CNTN4: variants seen among roughly 807,000 people sequenced by gnomAD.
CNTN4 encodes contactin-4.
In CNTN4, 77 loss-of-function variants were observed where a neutral mutation model predicts 122.5. The observed-to-expected ratio is 0.63, with a 90% CI of 0.52 to 0.76. CNTN4 has a LOEUF of 0.76. CNTN4 is among the 30% of genes least tolerant of loss of function. CNTN4 has a pLI of 0.00. For synonymous variants in CNTN4, 512 were observed against 447.0 expected (o/e 1.15, Z -1.83); for missense variants, 1,256 against 1,259.1 (o/e 1.00, Z 0.04).
intron 6 of CNTN4, among the ~76,000 whole-genome samples, chr3:2,789,637 G>A (rs1414302637): frequency 1.3e-5 from 2 of 152,136 alleles, no homozygotes; most frequent in Non-Finnish European, 2.9e-5. Flanking sequence ...CACCATGTTG[G>A]CCAGGCTGGT....
rs531103681 is a variant in CNTN4 at position 2,841,992 on chromosome 3, G to A, written c.454+22411G>A. 1.6e-4 allele frequency among the ~76,000 whole-genome samples: 25 copies of A among 152,144 alleles called. No individual in the cohort carries two copies. Among genetic ancestry groups the A allele is most frequent in the African/African-American group, 5.8e-4 (24 of 41,514 alleles). Reference sequence around the variant, plus strand: ...AATAAATAAATAAATGAAGCTAGCTGCCCCCATTTTTTTCAAGAACATGTT... The same window carrying A: ...AATAAATAAATAAATGAAGCTAGCTACCCCCATTTTTTTCAAGAACATGTT... On this transcript the variant is annotated intron_variant, in intron 7 of 24. Coordinates refer to ENST00000418658, the MANE Select transcript of CNTN4 (RefSeq NM_175607.3). This position sits in a 1 kb window ranked among gnomAD's most constrained non-coding sequence, Gnocchi z 4.8.
chr3:2,485,950 C>A (rs930647818), intron 3 of CNTN4, among the ~76,000 whole-genome samples: 14 of 152,294 alleles, frequency 9.2e-5, no homozygotes, highest in East Asian at 1.9e-4. Flanking sequence ...TGGCAACCCG[C>A]GCAGGTGCCC....
At chr3:2,926,619 C>T (rs917842040) in intron 13 of CNTN4, among the ~76,000 whole-genome samples, 4 of 152,092 alleles carry the variant, frequency 2.6e-5, no homozygotes, top group African/African-American at 7.2e-5. Context: ...TGCTAAAGGT[C>T]AGGTACTCAA....
At chr3:2,840,507 T>G (rs4685570) in intron 7 of CNTN4, among the ~76,000 whole-genome samples, 1 of 128,716 alleles carries the variant, frequency 7.8e-6, no homozygotes, top group Admixed American at 9.1e-5. Flanking sequence ...GAGACCATCC[T>G]GGCTAACACG....
chr3:2,847,796 C>A (rs960518931), intron 7 of CNTN4, among the ~76,000 whole-genome samples: 3 of 152,168 alleles, frequency 2.0e-5, no homozygotes, highest in African/African-American at 4.8e-5. Flanking sequence ...CAGAACAGAT[C>A]ATTTATAGAG....
intron 3 of CNTN4, among the ~76,000 whole-genome samples, chr3:2,367,183 G>A (rs2045424580): frequency 6.6e-6 from 1 of 151,880 alleles, no homozygotes; most frequent in African/African-American, 2.4e-5. Context: ...CAAAATTACA[G>A]AAAAAACACT....
intron 4 of CNTN4, among the ~76,000 whole-genome samples, chr3:2,585,531 C>T (rs563767718): frequency 2.0e-5 from 3 of 152,182 alleles, no homozygotes; most frequent in African/African-American, 7.2e-5. Context: ...GAGTTCATGT[C>T]CTTTGTAGGG....
chr3:2,673,437 A>G (rs903293391), intron 4 of CNTN4, among the ~76,000 whole-genome samples: 1 of 152,042 alleles, frequency 6.6e-6, no homozygotes. Flanking sequence ...CTTCCCATCA[A>G]TAGGTGGACT....
chr3:2,892,194 C>A (rs570839484), intron 10 of CNTN4: 51 of 152,310 alleles, frequency 3.3e-4, no homozygotes, highest in African/African-American at 1.2e-3. Context: ...AGTCTTATTA[C>A]AACACAGAAT....
At chr3:2,334,772 ATGTTATATGCTATGTC>A (rs1302845122) in intron 2 of CNTN4, among the ~76,000 whole-genome samples, 1 of 152,160 alleles carries the variant, frequency 6.6e-6, no homozygotes, top group Non-Finnish European at 1.5e-5. Flanking sequence ...GTCCCTCCTA[ATGTTATATGCTATGTC>A]TGTGAGAATT....
intron 4 of CNTN4, among the ~76,000 whole-genome samples, chr3:2,621,502 TG>T (rs2081988336): frequency 1.3e-5 from 2 of 148,718 alleles, no homozygotes; most frequent in East Asian, 2.0e-4. Flanking sequence ...TGTCGGGGGG[TG>T]GGGGGCTAGT....
intron 13 of CNTN4, among the ~76,000 whole-genome samples, chr3:2,933,031 C>T (rs1397675823): frequency 2.0e-5 from 3 of 152,012 alleles, no homozygotes. Context: ...ACCGTGTTAG[C>T]CAGGATGGTC....
At chr3:2,785,024 C>A (rs887470586) in intron 6 of CNTN4, among the ~76,000 whole-genome samples, 1 of 151,986 alleles carries the variant, frequency 6.6e-6, no homozygotes, top group Admixed American at 6.6e-5. Flanking sequence ...CACCCTAACC[C>A]CCTGCAGTCT....
intron 4 of CNTN4, among the ~76,000 whole-genome samples, chr3:2,631,024 T>G (rs2082408304): frequency 6.6e-6 from 1 of 152,008 alleles, no homozygotes; most frequent in Non-Finnish European, 1.5e-5. Flanking sequence ...TTGGTGGAGG[T>G]GGGAGTAGTA....
chr3:2,823,732 C>T (rs1485450303), intron 7 of CNTN4, among the ~76,000 whole-genome samples: 2 of 152,156 alleles, frequency 1.3e-5, no homozygotes, highest in Non-Finnish European at 2.9e-5. Flanking sequence ...CTTTGAGATT[C>T]TTCCTTCCAA....
intron 2 of CNTN4, among the ~76,000 whole-genome samples, chr3:2,102,238 G>C (rs1048454558): frequency 3.0e-4 from 45 of 152,172 alleles, no homozygotes; most frequent in African/African-American, 1.0e-3. Context: ...GTGGAGGCTG[G>C]AAAGTTCATA....
chr3:2,924,316 A>C (rs2094453767), intron 12 of CNTN4, among the ~76,000 whole-genome samples: 1 of 150,648 alleles, frequency 6.6e-6, no homozygotes, highest in East Asian at 2.0e-4. Flanking sequence ...ATTACCCCCC[A>C]AGCCCCCGCA....
rs1185851358 is a variant in CNTN4, at chr3:2,120,374, A to AATATAT, written c.-145+19762_-145+19767dup. ...GGTTATATATATATATATATATATA[A>AATATAT]ATATATATATATATATATATATATA... is the stretch of plus-strand genomic sequence containing the variant. On this transcript the variant is annotated intron_variant, in intron 2 of 24. Coordinates refer to ENST00000418658, the MANE Select transcript of CNTN4 (RefSeq NM_175607.3). 3.7e-3 allele frequency among the ~76,000 whole-genome samples: 217 copies of AATATAT among 58,920 alleles called. 4 individuals are homozygous for AATATAT. Among genetic ancestry groups the AATATAT allele is most frequent in the Middle Eastern group, 0.011 (1 of 88 alleles). 38.7% of individuals were successfully genotyped at this position (58,920 alleles called of 152,430 possible). A position where few individuals can be genotyped will look rare whatever the true frequency, so the allele number is the denominator to read the frequency against.
Position 2,385,643 on chromosome 3 carries a change from GGGAGCATAAC to G in CNTN4, c.-89+46411_-89+46420del, listed in dbSNP as rs1553638112. On this transcript the variant is annotated intron_variant, in intron 3 of 24. Transcript: ENST00000418658. The surrounding 1 kb of genome is among the most constrained non-coding windows in gnomAD (Gnocchi z 4.0). ...TAGCCCCAGTTGTTCTGCAGCTTGT[GGGAGCATAAC>G]TCCAAGCTCATCTCTCATCCTCCAT... 6.6e-6 allele frequency among the ~76,000 whole-genome samples: 1 copy of G among 152,020 alleles called. No individual in the cohort carries two copies. The highest frequency in any genetic ancestry group is 1.5e-5 in the Non-Finnish European group (1 of 68,024).
Sources: gnomAD v4.1 joint callset for allele counts (sites outside exome capture counted in the v4.1 genomes callset) on GRCh38, gnomAD v4.1.1 for gene constraint, Gnocchi (gnomAD v3.1) non-coding constraint, MANE v1.5 for transcripts, NCBI Gene and HGNC (gene_info 2026-07-23, HGNC 2026-07-21) for gene names.